The following CCDC175 variants were observed in gnomAD, a reference collection of about 807,000 sequenced individuals.
CCDC175 encodes the protein coiled-coil domain containing 175.
A neutral mutation model predicts 114.6 loss-of-function variants in CCDC175; 100 were observed. The observed-to-expected ratio is 0.87, with a 90% CI of 0.74 to 1.03. The LOEUF (loss-of-function observed/expected upper bound fraction) is 1.03. Ranked by LOEUF, CCDC175 falls within the 50% of genes least tolerant of loss-of-function variation. The probability of loss-of-function intolerance (pLI) is 0.00; values close to 1 mark genes in which losing one functional copy is unlikely to be tolerated. For synonymous variants in CCDC175, 306 were observed against 308.7 expected, an observed-to-expected ratio of 0.99 and a Z score of 0.09; for missense variants, 880 against 917.8, an observed-to-expected ratio of 0.96 and a Z score of 0.53.
intron 7 of CCDC175, among the ~76,000 whole-genome samples, chr14:59,557,472 G>C (rs1330732557): frequency 7.4e-6 from 1 of 135,508 alleles, no homozygotes; most frequent in Non-Finnish European, 1.6e-5. Context: ...GTTGTGGGGT[G>C]GGGGGAGGGG....
chr14:59,538,880 T>C, intron 11 of CCDC175, 40 bp from the exon 12 acceptor site: 1 of 1,494,010 alleles, frequency 6.7e-7, no homozygotes, highest in South Asian at 1.3e-5. Flanking sequence ...TAAATTGACA[T>C]AGCAGTTTAC....
At position 59,568,378 on chromosome 14, in the gene CCDC175, A is replaced by G. The variant is rs889493533; in HGVS notation, c.358T>C (p.Cys120Arg). The G allele has an allele frequency of 2.7e-5, 41 of 1,508,906 alleles. No homozygotes were observed. Among genetic ancestry groups the G allele is most frequent in the Middle Eastern group, 1.7e-4 (1 of 5,846 alleles). The allele number at this position is 1,508,906 out of a possible 1,614,324, so 93.5% of individuals were successfully genotyped here. ...PNSIKRELEECVRDARRLNLF... is the reference protein window; with the variant it reads ...PNSIKRELEERVRDARRLNLF... ...TTTAATCTGCGAGCGTCTCGGACAC[A>G]TTCTTCAAAGTAAGTGGAAATATTA... Residue 120 changes from cysteine (C) to arginine (R), a missense_variant and splice_region_variant, in exon 4 of 20, where the codon TGT becomes CGT. Physicochemically the swap from Cys to Arg is radical, Grantham distance 180. Transcript: ENST00000537690.
Position 59,566,306 on chromosome 14 carries a change from G to C in CCDC175, c.492-1031C>G, listed in dbSNP as rs564194160. 8.8e-4 allele frequency among the ~76,000 whole-genome samples: 134 copies of C among 152,234 alleles called. No individual in the cohort carries two copies. In the Middle Eastern group the frequency reaches 0.01, roughly 12 times the overall value. On this transcript the variant is annotated intron_variant, in intron 4 of 19. Coordinates refer to ENST00000537690, the MANE Select transcript of CCDC175 (RefSeq NM_001164399.2). ...CAAAAGGTTTACAAAAGGGACAATT[G>C]GTGCCATTTCTCTATTTTCCTTTTT...
chr14:59,533,987 T>TAAAAAAAAAA (rs3084296), intron 13 of CCDC175, among the ~76,000 whole-genome samples: 16 of 133,606 alleles, frequency 1.2e-4, no homozygotes, highest in African/African-American at 4.2e-4. Context: ...AGACCCCTTT[T>TAAAAAAAAAA]AAAAAAAAAA....
intron 17 of CCDC175, among the ~76,000 whole-genome samples, chr14:59,515,439 A>T (rs1014038634): frequency 6.6e-5 from 10 of 152,242 alleles, no homozygotes; most frequent in African/African-American, 2.4e-4. Context: ...ATGCAGAGAC[A>T]CATATAGGCT....
At chr14:59,527,275 T>TTTGTTATAAACCTTGTG in intron 14 of CCDC175, 101 bp from the exon 15 acceptor site, 1 of 638,484 alleles carries the variant, frequency 1.6e-6, no homozygotes, top group Non-Finnish European at 2.5e-6. Flanking sequence ...TCACAAGGTT[T>TTTGTTATAAACCTTGTG]ATAACAAAAA....
intron 6 of CCDC175, among the ~76,000 whole-genome samples, chr14:59,562,532 C>T (rs1330039083): frequency 6.6e-6 from 1 of 152,164 alleles, no homozygotes; most frequent in Admixed American, 6.5e-5. Context: ...GAACGCAGCT[C>T]TGTGTGAGAC....
At chr14:59,548,427 T>G (rs1895247774) in intron 8 of CCDC175, among the ~76,000 whole-genome samples, 1 of 152,092 alleles carries the variant, frequency 6.6e-6, no homozygotes, top group Admixed American at 6.6e-5. Context: ...CTAGTGAAAA[T>G]AATAAATAAG....
At chr14:59,573,398 G>T (rs1220602219) in intron 2 of CCDC175, among the ~76,000 whole-genome samples, 3 of 152,096 alleles carry the variant, frequency 2.0e-5, no homozygotes, top group East Asian at 3.9e-4. Flanking sequence ...ATTATAAAAA[G>T]CAGACTATAT....
chr14:59,533,339 T>A (rs1036674617), intron 13 of CCDC175, among the ~76,000 whole-genome samples: 1 of 152,226 alleles, frequency 6.6e-6, no homozygotes, highest in African/African-American at 2.4e-5. Flanking sequence ...CAAGCAATGT[T>A]GCTTCATAAT....
chr14:59,551,191 G>T (rs1248230395), intron 8 of CCDC175, 164 bp downstream of exon 8: 2 of 454,214 alleles, frequency 4.4e-6, no homozygotes, highest in Non-Finnish European at 7.7e-6. Context: ...TATAATTAAA[G>T]TACTTTGGGA....
chr14:59,537,260 T>C (rs891098635), intron 13 of CCDC175, among the ~76,000 whole-genome samples: 18 of 152,194 alleles, frequency 1.2e-4, no homozygotes, highest in African/African-American at 4.1e-4. Flanking sequence ...GGGCCAGTCA[T>C]CTGCAGAGGG....
At chr14:59,551,790 G>A (rs1174671560) in intron 7 of CCDC175, among the ~76,000 whole-genome samples, 1 of 152,204 alleles carries the variant, frequency 6.6e-6, no homozygotes. Context: ...CTTTTCCAAG[G>A]GTCTTAGCAA....
intron 16 of CCDC175, 81 bp downstream of exon 16, chr14:59,525,201 C>A (rs1893673176): frequency 9.3e-7 from 1 of 1,080,046 alleles, no homozygotes; most frequent in Non-Finnish European, 1.2e-6. Flanking sequence ...AAGAGCTATT[C>A]TCTTCTTTTC....
intron 14 of CCDC175, among the ~76,000 whole-genome samples, chr14:59,531,391 T>C (rs931485118): frequency 6.6e-6 from 1 of 151,926 alleles, no homozygotes; most frequent in African/African-American, 2.4e-5. Context: ...CAATAAATGG[T>C]TAAAATCATA....
At chr14:59,565,302 T>G (rs547913841) in intron 4 of CCDC175, 27 bp from the exon 5 acceptor site, 1 of 1,510,420 alleles carries the variant, frequency 6.6e-7, no homozygotes, top group Admixed American at 2.0e-5. Flanking sequence ...GCTCACAGAG[T>G]GAGAAGCACA....
At chr14:59,506,289 T>C (rs867451402) in intron 19 of CCDC175, among the ~76,000 whole-genome samples, 5 of 148,452 alleles carry the variant, frequency 3.4e-5, no homozygotes, top group African/African-American at 1.0e-4. Flanking sequence ...TTTTTTTTTT[T>C]TCTTTTTTTT....
At chr14:59,517,896 C>T (rs564009694) in intron 17 of CCDC175, among the ~76,000 whole-genome samples, 2 of 152,260 alleles carry the variant, frequency 1.3e-5, no homozygotes, top group South Asian at 2.1e-4. Context: ...AAGCTGGAGG[C>T]ATCACGCTAC....
rs975413654 is a variant in CCDC175, at chr14:59,531,862, GTTC to G, written c.1669_1671del (p.Glu557del). 6.0e-6 allele frequency: 8 copies of G among 1,324,260 alleles called. No individual in the cohort carries two copies. Among genetic ancestry groups the G allele is most frequent in the African/African-American group, 2.9e-5 (2 of 68,556 alleles). The allele number at this position is 1,324,260 out of a possible 1,614,324, so 82.0% of individuals were successfully genotyped here. ...TGAAGTTGTGGAAGATACTCAACTA[GTTC>G]TTCTTCCTTTTCTTTGTTAATTTGT... On this transcript the variant is annotated inframe_deletion, in exon 14 of 20. Transcript: ENST00000537690.
Sources: gnomAD v4.1 joint callset for allele counts (sites outside exome capture counted in the v4.1 genomes callset) on GRCh38, gnomAD v4.1.1 for gene constraint, MANE v1.5 for transcripts, NCBI Gene and HGNC (gene_info 2026-07-23, HGNC 2026-07-21) for gene names.